Variants in SRPK2 observed in about 807,000 individuals in gnomAD.
The protein encoded by SRPK2 is SRSF protein kinase 2, also known as SFRS protein kinase 2.
In SRPK2, 21 loss-of-function variants were observed where a neutral mutation model predicts 90.8. The ratio of observed to expected loss-of-function variants is 0.23; its 90% confidence interval spans 0.16 to 0.33. The LOEUF (loss-of-function observed/expected upper bound fraction) is 0.33. Among genes scored for constraint, SRPK2 ranks in the 10% least tolerant of loss-of-function variants. SRPK2 has a pLI of 1.00. For synonymous variants in SRPK2, 288 were observed against 311.1 expected, an observed-to-expected ratio of 0.93 and a Z score of 0.78; for missense variants, 620 against 869.0, an observed-to-expected ratio of 0.71 and a Z score of 3.60.
At chr7:105,153,411 A>G (rs1343584553) in intron 7 of SRPK2, among the ~76,000 whole-genome samples, 1 of 152,134 alleles carries the variant, frequency 6.6e-6, no homozygotes, top group Non-Finnish European at 1.5e-5. Flanking sequence ...GTACATCAAC[A>G]TTTGTGTCAG....
In SRPK2 at chr7:105,323,801, C is replaced by T. The variant is rs149003263; in HGVS notation, c.71+64847G>A. On this transcript the variant is annotated intron_variant, in intron 2 of 15. Transcript: ENST00000393651. ...CTGTAAGAATAATTTGAGGACATGA[C>T]ACTCACATCTTTCCTGTAGTGGACC... Among the ~76,000 whole-genome samples, 744 of 152,246 alleles carry T rather than the reference C, an allele frequency of 4.9e-3. 5 individuals carry two copies. Among genetic ancestry groups the T allele is most frequent in the Non-Finnish European group, 8.3e-3 (564 of 68,028 alleles).
In SRPK2 at chr7:105,133,355, C is replaced by T. The variant is rs181826715; in HGVS notation, c.1544-251G>A. Among the ~76,000 whole-genome samples the T allele has an allele frequency of 3.1e-3, 466 of 152,322 alleles. 14 individuals carry two copies. Among genetic ancestry groups the T allele is most frequent in the Admixed American group, 0.029 (443 of 15,294 alleles). The stretch of plus-strand genomic sequence containing the variant: ...ACTGCCTTGACCTTTCTCTTTTTAT[C>T]CCCAGTTTCTTCGGGTCCAGGTCAG... On this transcript the variant is annotated intron_variant, in intron 11 of 15. Coordinates refer to ENST00000393651, the MANE Select transcript of SRPK2 (RefSeq NM_182692.3).
intron 2 of SRPK2, among the ~76,000 whole-genome samples, chr7:105,210,741 C>G (rs955759368): frequency 6.6e-6 from 1 of 152,126 alleles, no homozygotes; most frequent in Non-Finnish European, 1.5e-5. Context: ...CCTAATCACA[C>G]CAGTCCCTAA....
chr7:105,322,024 CAA>C (rs752338414), intron 2 of SRPK2, among the ~76,000 whole-genome samples: 1 of 152,014 alleles, frequency 6.6e-6, no homozygotes, highest in Non-Finnish European at 1.5e-5. Context: ...CCACAATAGC[CAA>C]AAAGTGAAAA....
intron 7 of SRPK2, among the ~76,000 whole-genome samples, 156 bp from the exon 8 acceptor site, chr7:105,146,814 T>C (rs1041546818): frequency 7.9e-5 from 12 of 152,226 alleles, no homozygotes; most frequent in East Asian, 7.7e-4. Flanking sequence ...CCTACCCACA[T>C]TGGAATCCAG....
At chr7:105,263,832 T>G (rs750383553) in intron 2 of SRPK2, among the ~76,000 whole-genome samples, 13 of 152,172 alleles carry the variant, frequency 8.5e-5, no homozygotes, top group Non-Finnish European at 1.8e-4. Flanking sequence ...CTATTCCATA[T>G]ACGTATCTTC....
At chr7:105,125,836 G>C (rs768483261) in intron 15 of SRPK2, 140 of 1,296,962 alleles carry the variant, frequency 1.1e-4, no homozygotes, top group Non-Finnish European at 1.4e-4. Flanking sequence ...TATTTTCGAG[G>C]GACTTTCCCC....
Position 105,167,541 on chromosome 7 carries a change from T to C in SRPK2, c.427-77A>G, listed in dbSNP as rs534544954. 5 of 781,546 alleles carry C rather than the reference T, an allele frequency of 6.4e-6. No homozygotes were observed. In the African/African-American group the frequency reaches 8.9e-5, roughly 14 times the overall value. The allele number at this position is 781,546 out of a possible 1,614,324, so 48.4% of individuals were successfully genotyped here. On this transcript the variant is annotated intron_variant, in intron 5 of 15. Coordinates refer to ENST00000393651, the MANE Select transcript of SRPK2 (RefSeq NM_182692.3). ...TTTTCCCATTATAACACCAATACTG[T>C]TTAAATAAAAGTATATTTTAAAATA...
chr7:105,147,349 G>A (rs913479943), intron 7 of SRPK2, among the ~76,000 whole-genome samples: 3 of 151,794 alleles, frequency 2.0e-5, no homozygotes, highest in Non-Finnish European at 2.9e-5. Flanking sequence ...ACAGAGTCTC[G>A]CTCTGTCACC....
chr7:105,388,849 CG>C lies in SRPK2; in HGVS notation c.-44del. 7.6e-7 allele frequency: 1 copy of C among 1,313,578 alleles called. No homozygotes were observed. Among genetic ancestry groups the C allele is most frequent in the Non-Finnish European group, 9.6e-7 (1 of 1,037,078 alleles). The allele number at this position is 1,313,578 out of a possible 1,614,324, so 81.4% of individuals were successfully genotyped here. ...GGGGCGGGGGGCTTCGCGACGGCGACGCGGGCGCCGAGACGAGCTGGGCTGC... is the reference window on the plus strand; with the variant it reads ...GGGGCGGGGGGCTTCGCGACGGCGACCGGGCGCCGAGACGAGCTGGGCTGC... On this transcript the variant is annotated 5_prime_UTR_variant, in exon 1 of 16. Coordinates refer to ENST00000393651, the MANE Select transcript of SRPK2 (RefSeq NM_182692.3).
chr7:105,353,970 A>G (rs1486216313), intron 2 of SRPK2, among the ~76,000 whole-genome samples: 1 of 152,130 alleles, frequency 6.6e-6, no homozygotes, highest in Non-Finnish European at 1.5e-5. Context: ...CCCACAGACA[A>G]GGAAGCCTGA....
At chr7:105,284,333 G>C (rs1032014871) in intron 2 of SRPK2, among the ~76,000 whole-genome samples, 2 of 152,212 alleles carry the variant, frequency 1.3e-5, no homozygotes, top group Admixed American at 6.5e-5. Flanking sequence ...CAAAGCTACA[G>C]AGAACCTCTC....
intron 2 of SRPK2, among the ~76,000 whole-genome samples, chr7:105,250,113 C>G (rs143354161): frequency 5.8e-4 from 88 of 152,242 alleles, no homozygotes; most frequent in African/African-American, 1.9e-3. Context: ...GGTGGATCAC[C>G]TAAGGTCAGG....
chr7:105,276,632 G>T (rs1036164716), intron 2 of SRPK2, among the ~76,000 whole-genome samples: 7 of 151,974 alleles, frequency 4.6e-5, no homozygotes, highest in Non-Finnish European at 1.0e-4. Flanking sequence ...CAGCTACTTA[G>T]GAGGCTGAGA....
chr7:105,142,290 T>C lies in SRPK2; in HGVS notation c.1261A>G (p.Asn421Asp), dbSNP rs1803894919. 1.2e-6 allele frequency: 2 copies of C among 1,614,056 alleles called. No individual in the cohort carries two copies. The highest frequency in any genetic ancestry group is 2.2e-5 in the East Asian group (1 of 44,896). The change falls in exon 11 of 16, where the codon AAT (asparagine) becomes GAT (aspartate). Residue 421 changes from asparagine (N) to aspartate (D), a missense_variant. Asn to Asp is a conservative substitution (Grantham distance 23). Coordinates refer to ENST00000393651, the MANE Select transcript of SRPK2 (RefSeq NM_182692.3). ...TCATCAAGATTATATTCCTCAGGAT[T>C]TGGGCAGTCTTCTTCATCATCATCT... Reference protein sequence around the residue: ...DEDDDEEDCPNPEEYNLDEPN... With the variant: ...DEDDDEEDCPDPEEYNLDEPN...
At chr7:105,183,471 TTTTG>T (rs573075370) in intron 3 of SRPK2, among the ~76,000 whole-genome samples, 27 of 152,160 alleles carry the variant, frequency 1.8e-4, no homozygotes, top group East Asian at 3.9e-4. Context: ...AGCGGGTTTT[TTTTG>T]TTTGTTTGTT....
chr7:105,398,975 C>A (rs573434560), intron 1 of SRPK2, among the ~76,000 whole-genome samples: 2 of 152,234 alleles, frequency 1.3e-5, no homozygotes, highest in East Asian at 3.9e-4. Context: ...CTAAGCATGT[C>A]TGTTTGGAGG....
At chr7:105,387,187 TTA>T (rs1286864058) in intron 2 of SRPK2, among the ~76,000 whole-genome samples, 1 of 152,230 alleles carries the variant, frequency 6.6e-6, no homozygotes, top group African/African-American at 2.4e-5. Flanking sequence ...CCACTTGTTT[TTA>T]TGTTTCTGAG....
chr7:105,362,637 G>A (rs1391290396), intron 2 of SRPK2, among the ~76,000 whole-genome samples: 1 of 152,104 alleles, frequency 6.6e-6, no homozygotes, highest in African/African-American at 2.4e-5. Flanking sequence ...AGACAGTGTG[G>A]TGATTTCTCA....
Sources: allele counts gnomAD v4.1 joint callset (sites outside exome capture counted in the v4.1 genomes callset), GRCh38; gene constraint gnomAD v4.1.1; transcripts MANE v1.5; gene names NCBI Gene and HGNC (gene_info 2026-07-23, HGNC 2026-07-21).